NUDT11: variants seen among roughly 807,000 people sequenced by gnomAD.
NUDT11 encodes the protein diphosphoinositol polyphosphate phosphohydrolase 3-beta.
Under a neutral mutation model 10.0 loss-of-function variants are expected in NUDT11, and 1 was observed. The ratio of observed to expected loss-of-function variants is 0.10; its 90% CI spans 0.04 to 0.47. The LOEUF is 0.47. NUDT11 is among the 20% of genes least tolerant of loss of function. The pLI is 0.96. For missense variants in NUDT11, 47 were observed against 140.4 expected, an observed-to-expected ratio of 0.33 and a Z score of 3.36; for synonymous variants, 63 against 65.9, an observed-to-expected ratio of 0.96 and a Z score of 0.21.
At chrX:51,491,792 T>C in intron 1 of NUDT11, 43 bp from the exon 2 acceptor site, 2 of 571,000 alleles carry the variant, frequency 3.5e-6, no homozygotes. Context: ...CTTATGTTAA[T>C]AATTCCTCCA....
intron 1 of NUDT11, among the ~76,000 whole-genome samples, chrX:51,492,973 A>G (rs1925627726): frequency 1.8e-5 from 2 of 112,687 alleles, no homozygotes; most frequent in Admixed American, 1.9e-4. Context: ...AAATCACAGA[A>G]AGAATTTAAA....
In NUDT11 at chrX:51,496,262, C is replaced by T. The variant is rs1360620153; in HGVS notation, c.183G>A (p.Ala61=). ...GMEPEEEPGG[A]AVREVYEEAG... is the part of the protein sequence containing the mutation. ...CTTCTTCGTACACCTCTCGGACCGC[C>T]GCACCGCCCGGCTCCTCCTCGGGCT... Residue 61 remains alanine (A), a synonymous_variant, in exon 1 of 2, where the codon GCG becomes GCA. Coordinates refer to ENST00000375992, the MANE Select transcript of NUDT11 (RefSeq NM_018159.4). The T allele has an allele frequency of 6.6e-6, 8 of 1,208,535 alleles. No homozygotes were observed. The African/African-American group carries it at 1.4e-4, about 21-fold the overall frequency.
At chrX:51,493,359 C>T (rs1925633887) in intron 1 of NUDT11, among the ~76,000 whole-genome samples, 1 of 111,502 alleles carries the variant, frequency 9.0e-6, no homozygotes, top group Non-Finnish European at 1.9e-5. Flanking sequence ...TTTCTGCTAT[C>T]ACAAAAGAAA....
chrX:51,496,576 G>A lies in NUDT11; in HGVS notation c.-132C>T, dbSNP rs1557326716. 2 of 1,041,021 alleles carry A rather than the reference G, an allele frequency of 1.9e-6. No homozygotes were observed. The highest frequency in any genetic ancestry group is 1.3e-6 in the Non-Finnish European group (1 of 790,277). The allele number at this position is 1,041,021 out of a possible 1,213,427, so 85.8% of individuals were successfully genotyped here. ...AGGGCCGAGGCGAGGGGCGGGGAAA[G>A]AGAGGCGCCTCCGTCTGCCCGCGAG... On this transcript the variant is annotated 5_prime_UTR_variant, in exon 1 of 2. Coordinates refer to ENST00000375992, the MANE Select transcript of NUDT11 (RefSeq NM_018159.4).
intron 1 of NUDT11, among the ~76,000 whole-genome samples, chrX:51,494,188 T>G (rs1261550409): frequency 4.5e-5 from 5 of 112,151 alleles, no homozygotes; most frequent in Non-Finnish European, 7.5e-5. Context: ...AAATCTGCAC[T>G]TGTACCCCTG....
rs1230945292 is a variant in NUDT11 at position 51,491,029 on chromosome X, T to C, written c.*720A>G. The C allele has an allele frequency of 4.4e-5, 5 of 112,608 alleles. No individual in the cohort carries two copies. The highest frequency in any genetic ancestry group is 9.4e-5 in the Non-Finnish European group (5 of 53,300). The allele number at this position is 112,608 out of a possible 1,213,427, so 9.3% of individuals were successfully genotyped here. A position where few individuals can be genotyped will look rare whatever the true frequency, so the allele number is the denominator to read the frequency against. ...TAAAAACTCACAACATTATTTTGCGTCCACTGTATTTATTTTTACAATTAC... is the reference window on the plus strand; with the variant it reads ...TAAAAACTCACAACATTATTTTGCGCCCACTGTATTTATTTTTACAATTAC... On this transcript the variant is annotated 3_prime_UTR_variant, in exon 2 of 2. Coordinates refer to ENST00000375992, the MANE Select transcript of NUDT11 (RefSeq NM_018159.4).
chrX:51,492,505 T>A (rs1347588499), intron 1 of NUDT11, among the ~76,000 whole-genome samples: 1 of 110,931 alleles, frequency 9.0e-6, no homozygotes, highest in Non-Finnish European at 1.9e-5. Flanking sequence ...TACAGGCACG[T>A]GCCACCATGC....
chrX:51,492,069 C>T (rs1344959658), intron 1 of NUDT11, among the ~76,000 whole-genome samples: 1 of 111,882 alleles, frequency 8.9e-6, no homozygotes, highest in Non-Finnish European at 1.9e-5. Context: ...CAGGCTGATT[C>T]CCACCCACGA....
At position 51,492,797 on chromosome X, in the gene NUDT11, G is replaced by C. The variant is rs1925624258; in HGVS notation, c.*-1048C>G. On this transcript the variant is annotated intron_variant, in intron 1 of 1. Coordinates refer to ENST00000375992, the MANE Select transcript of NUDT11 (RefSeq NM_018159.4). The stretch of plus-strand genomic sequence containing the variant: ...CTGCTAAATACCATTAGTATTAATA[G>C]CTATCTTATCAAGAGACCACTACCA... Among the ~76,000 whole-genome samples the C allele has an allele frequency of 2.7e-5, 3 of 112,319 alleles. No individual in the cohort carries two copies. In the South Asian group the frequency reaches 1.1e-3, roughly 42 times the overall value.
intron 1 of NUDT11, among the ~76,000 whole-genome samples, chrX:51,495,371 C>T (rs1394069626): frequency 9.0e-6 from 1 of 111,462 alleles, no homozygotes; most frequent in African/African-American, 3.3e-5. Flanking sequence ...TAAACCAACT[C>T]CCACCACAGA....
In NUDT11 at chrX:51,496,267, C is replaced by T; in HGVS notation, c.178G>A (p.Gly60Ser). 1 of 1,210,540 alleles carries T rather than the reference C, an allele frequency of 8.3e-7. No individual in the cohort carries two copies. Among genetic ancestry groups the T allele is most frequent in the Non-Finnish European group, 1.1e-6 (1 of 894,864 alleles). The change falls in exon 1 of 2, where the codon GGT becomes AGT. Residue 60 changes from glycine to serine, a missense_variant. By Grantham distance (56) the Gly-to-Ser change is moderately conservative. Coordinates refer to ENST00000375992, the MANE Select transcript of NUDT11 (RefSeq NM_018159.4). ...TCGTACACCTCTCGGACCGCCGCAC[C>T]GCCCGGCTCCTCCTCGGGCTCCATG... ...GGMEPEEEPGGAAVREVYEEA... is the reference protein window; with the variant it reads ...GGMEPEEEPGSAAVREVYEEA...
chrX:51,493,707 C>G (rs942301596), intron 1 of NUDT11, among the ~76,000 whole-genome samples: 1 of 109,420 alleles, frequency 9.1e-6, no homozygotes, highest in African/African-American at 3.3e-5. Context: ...TTTAACAGTA[C>G]GCCTTGAAAA....
rs191978213 is a variant in NUDT11 at position 51,490,251 on chromosome X, A to C, written c.*1498T>G. 172 of 111,630 alleles carry C rather than the reference A, an allele frequency of 1.5e-3. 2 individuals are homozygous for C. The highest frequency in any genetic ancestry group is 5.4e-3 in the African/African-American group (165 of 30,772). The allele number at this position is 111,630 out of a possible 1,213,427, so 9.2% of individuals were successfully genotyped here. A position where few individuals can be genotyped will look rare whatever the true frequency, so the allele number is the denominator to read the frequency against. ...CTCTAAAAGATAATCATTTTTTAAA[A>C]CAACATAACCACAGTACCATATCAC... On this transcript the variant is annotated 3_prime_UTR_variant, in exon 2 of 2. Coordinates refer to ENST00000375992, the MANE Select transcript of NUDT11 (RefSeq NM_018159.4).
chrX:51,495,561 A>G (rs1925681468), intron 1 of NUDT11, among the ~76,000 whole-genome samples: 2 of 111,720 alleles, frequency 1.8e-5, no homozygotes, highest in South Asian at 7.5e-4. Flanking sequence ...TGTGAAATAT[A>G]AAAGAACCAA....
At chrX:51,495,838 G>A in intron 1 of NUDT11, 113 bp downstream of exon 1, 1 of 1,066,194 alleles carries the variant, frequency 9.4e-7, no homozygotes, top group Non-Finnish European at 1.2e-6. Flanking sequence ...GGAAACAAAA[G>A]AAGCCTCCCT....
In NUDT11 at chrX:51,491,070, T is replaced by C. The variant is rs1460048715; in HGVS notation, c.*679A>G. The C allele has an allele frequency of 8.9e-6, 1 of 112,749 alleles. No homozygotes were observed. The highest frequency in any genetic ancestry group is 2.8e-4 in the East Asian group (1 of 3,604). The allele number at this position is 112,749 out of a possible 1,213,427, so 9.3% of individuals were successfully genotyped here. ...TTACAATTACCTTTATAGCAAGTGA[T>C]AGTTTTTGAATAAAATTTAAGCAAA... On this transcript the variant is annotated 3_prime_UTR_variant, in exon 2 of 2. Transcript: ENST00000375992.
intron 1 of NUDT11, among the ~76,000 whole-genome samples, chrX:51,492,497 C>G (rs782613556): frequency 6.3e-5 from 7 of 110,548 alleles, no homozygotes; most frequent in African/African-American, 2.3e-4. Context: ...GAAGGTATTA[C>G]AGGCACGTGC....
chrX:51,490,537 T>A lies in NUDT11; in HGVS notation c.*1212A>T, dbSNP rs1384815655. ...CCATGGCAAACTCCGTAAGATTTCT[T>A]CTAAACATCTTTGTTATTTTCTTAA... On this transcript the variant is annotated 3_prime_UTR_variant, in exon 2 of 2. Transcript: ENST00000375992. 1 of 112,372 alleles carries A rather than the reference T, an allele frequency of 8.9e-6. No homozygotes were observed. Among genetic ancestry groups the A allele is most frequent in the Non-Finnish European group, 1.9e-5 (1 of 53,303 alleles). 9.3% of individuals were successfully genotyped at this position (112,372 alleles called of 1,213,427 possible).
chrX:51,491,747 C>T lies in NUDT11; in HGVS notation c.*2G>A. 1.8e-6 allele frequency: 1 copy of T among 570,862 alleles called. No individual in the cohort carries two copies. The highest frequency in any genetic ancestry group is 3.2e-6 in the Non-Finnish European group (1 of 309,461). 47.0% of individuals were successfully genotyped at this position (570,862 alleles called of 1,213,427 possible). A position where few individuals can be genotyped will look rare whatever the true frequency, so the allele number is the denominator to read the frequency against. On this transcript the variant is annotated splice_region_variant and 3_prime_UTR_variant, in exon 2 of 2. Transcript: ENST00000375992. ...CACAATACTGAACATCTTTGCTGTT[C>T]ATCTGGAAAAACAAACCAACACACA...
Sources: allele counts gnomAD v4.1 joint callset (sites outside exome capture counted in the v4.1 genomes callset), GRCh38; gene constraint gnomAD v4.1.1; transcripts MANE v1.5; gene names NCBI Gene and HGNC (gene_info 2026-07-23, HGNC 2026-07-21).